SDK1: variants seen among roughly 807,000 people sequenced by gnomAD.
SDK1 encodes the protein sidekick cell adhesion molecule 1, also known as protein sidekick-1.
SDK1 carries 157 observed loss-of-function variants against 245.5 expected under a neutral mutation model. That is an observed-to-expected ratio of 0.64 (90% CI 0.56 to 0.73). The LOEUF is 0.73. Ranked by LOEUF, SDK1 falls within the 30% of genes least tolerant of loss-of-function variation. The probability of loss-of-function intolerance (pLI) is 0.00; values close to 1 mark genes in which losing one functional copy is unlikely to be tolerated. For missense variants in SDK1, 3,583 were observed against 3,002.3 expected (o/e 1.19, Z -4.52); for synonymous variants, 1,647 against 1,278.5 (o/e 1.29, Z -6.15).
chr7:4,194,364 A>G (rs1010822431), intron 35 of SDK1, among the ~76,000 whole-genome samples: 1 of 101,208 alleles, frequency 9.9e-6, no homozygotes, highest in African/African-American at 4.8e-5. Context: ...GTATGCACGT[A>G]TGTGTATACA....
chr7:3,531,937 AAC>A (rs1773395451), intron 1 of SDK1, among the ~76,000 whole-genome samples: 1 of 152,236 alleles, frequency 6.6e-6, no homozygotes, highest in African/African-American at 2.4e-5. Context: ...CAGGTTCAGT[AAC>A]ACACCATTTA....
At chr7:3,875,050 A>G (rs538006150) in intron 5 of SDK1, among the ~76,000 whole-genome samples, 8 of 152,294 alleles carry the variant, frequency 5.3e-5, no homozygotes, top group African/African-American at 1.9e-4. Context: ...CACGCTCACT[A>G]GCCCATACTT....
At chr7:3,317,180 CAAAAAAAAAAAAAAA>C (rs57138474) in intron 1 of SDK1, among the ~76,000 whole-genome samples, 2 of 32,732 alleles carry the variant, frequency 6.1e-5, no homozygotes, top group African/African-American at 1.1e-4. Flanking sequence ...GACTCTGTCT[CAAAAAAAAAAAAAAA>C]AAAAAAAAAA....
At chr7:3,683,677 A>G (rs1248070647) in intron 4 of SDK1, among the ~76,000 whole-genome samples, 1 of 152,224 alleles carries the variant, frequency 6.6e-6, no homozygotes, top group Non-Finnish European at 1.5e-5. Flanking sequence ...GGGTGAAAGG[A>G]GAGGCAGCTG....
intron 16 of SDK1, 104 bp from the exon 17 acceptor site, chr7:4,017,067 T>C (rs1469645948): frequency 8.9e-7 from 1 of 1,128,358 alleles, no homozygotes; most frequent in Non-Finnish European, 1.2e-6. Context: ...CTGCTCTTGA[T>C]TATTTACTTC....
At chr7:3,329,053 T>G (rs191534150) in intron 1 of SDK1, among the ~76,000 whole-genome samples, 2 of 152,288 alleles carry the variant, frequency 1.3e-5, no homozygotes, top group Admixed American at 1.3e-4. Context: ...GTTTATCCCC[T>G]CTCTTGCTAC....
chr7:3,811,324 CT>C (rs1779377590), intron 4 of SDK1, among the ~76,000 whole-genome samples: 1 of 152,142 alleles, frequency 6.6e-6, no homozygotes, highest in African/African-American at 2.4e-5. Context: ...TTAAGGGCCT[CT>C]CTATATTAAG....
At chr7:3,465,259 C>G (rs999549031) in intron 1 of SDK1, among the ~76,000 whole-genome samples, 6 of 152,136 alleles carry the variant, frequency 3.9e-5, no homozygotes, top group African/African-American at 1.4e-4. Flanking sequence ...AGTTGGCCAA[C>G]TGCGACAATG....
chr7:3,791,258 G>T (rs1303962435), intron 4 of SDK1, among the ~76,000 whole-genome samples: 2 of 152,174 alleles, frequency 1.3e-5, no homozygotes, highest in African/African-American at 4.8e-5. Context: ...CATTGTGCTG[G>T]ACTAGATGAA....
chr7:3,334,113 C>G (rs1444874555), intron 1 of SDK1, among the ~76,000 whole-genome samples: 1 of 152,170 alleles, frequency 6.6e-6, no homozygotes, highest in African/African-American at 2.4e-5. Flanking sequence ...TCTGAAGGAA[C>G]CTAAATCTAG....
At chr7:3,305,168 C>A (rs1259178941) in intron 1 of SDK1, among the ~76,000 whole-genome samples, 5 of 152,202 alleles carry the variant, frequency 3.3e-5, no homozygotes, top group Non-Finnish European at 7.3e-5. Flanking sequence ...TTTATTCCTA[C>A]TGAAACTGTT....
At chr7:3,801,825 A>C (rs1022136803) in intron 4 of SDK1, among the ~76,000 whole-genome samples, 1 of 152,074 alleles carries the variant, frequency 6.6e-6, no homozygotes, top group Non-Finnish European at 1.5e-5. Flanking sequence ...CTCCGTCTTC[A>C]TGTGGTTCTC....
chr7:3,697,063 G>T (rs903310977), intron 4 of SDK1, among the ~76,000 whole-genome samples: 3 of 152,160 alleles, frequency 2.0e-5, no homozygotes, highest in Non-Finnish European at 4.4e-5. Flanking sequence ...ATCAGAATAT[G>T]AAAGGCATGT....
rs976678677 is a variant in SDK1, at chr7:3,853,071, C to T, written c.847+31488C>T. Among the ~76,000 whole-genome samples, 11 of 152,050 alleles carry T rather than the reference C, an allele frequency of 7.2e-5. No homozygotes were observed. The East Asian group carries it at 7.8e-4, about 11-fold the overall frequency. On this transcript the variant is annotated intron_variant, in intron 5 of 44. Transcript: ENST00000404826. ...ACCCCTGCATGAACCAAAACCCACA[C>T]GTGGGAAAAGTTAGTTCTCCACGTA... is the stretch of plus-strand genomic sequence containing the variant.
At chr7:3,941,642 A>G (rs1054478675) in intron 5 of SDK1, among the ~76,000 whole-genome samples, 1 of 151,908 alleles carries the variant, frequency 6.6e-6, no homozygotes, top group Admixed American at 6.6e-5. Context: ...TCAACGCCAC[A>G]CCCACACTCC....
chr7:3,309,911 T>C (rs1326251227), intron 1 of SDK1, among the ~76,000 whole-genome samples: 1 of 152,210 alleles, frequency 6.6e-6, no homozygotes, highest in African/African-American at 2.4e-5. Flanking sequence ...CTAAAACTCC[T>C]GGTTGCAAGC....
At chr7:3,730,498 T>G (rs1405957783) in intron 4 of SDK1, among the ~76,000 whole-genome samples, 1 of 152,054 alleles carries the variant, frequency 6.6e-6, no homozygotes, top group Non-Finnish European at 1.5e-5. Context: ...AATAGAGATG[T>G]GAATGAGAAG....
At chr7:3,442,577 A>T (rs979876813) in intron 1 of SDK1, among the ~76,000 whole-genome samples, 4 of 152,192 alleles carry the variant, frequency 2.6e-5, no homozygotes, top group African/African-American at 7.2e-5. Flanking sequence ...CCTGAGTTCA[A>T]ATCACCACTC....
chr7:4,169,611 G>A (rs1477958993), intron 32 of SDK1, among the ~76,000 whole-genome samples: 3 of 152,216 alleles, frequency 2.0e-5, no homozygotes, highest in African/African-American at 7.2e-5. Flanking sequence ...GTGCACTATA[G>A]CTCAGGAGAT....
Sources: allele counts gnomAD v4.1 joint callset (sites outside exome capture counted in the v4.1 genomes callset), GRCh38; gene constraint gnomAD v4.1.1; transcripts MANE v1.5; gene names NCBI Gene and HGNC (gene_info 2026-07-23, HGNC 2026-07-21).